The following NPHP4 variants were observed in gnomAD, a reference collection of about 807,000 sequenced individuals.
The protein encoded by NPHP4 is nephrocystin-4.
A neutral mutation model predicts 155.8 loss-of-function variants in NPHP4; 151 were observed. The ratio of observed to expected loss-of-function variants is 0.97; its 90% confidence interval spans 0.85 to 1.11. The LOEUF (loss-of-function observed/expected upper bound fraction) is 1.11. Among genes scored for constraint, NPHP4 ranks in the 50% least tolerant of loss-of-function variants. The pLI is 0.00. For missense variants in NPHP4, 1,956 were observed against 1,925.7 expected, an observed-to-expected ratio of 1.02 and a Z score of -0.29; for synonymous variants, 845 against 816.8, an observed-to-expected ratio of 1.03 and a Z score of -0.59.
intron 11 of NPHP4, among the ~76,000 whole-genome samples, chr1:5,922,411 TTATC>T (rs1349841611): frequency 6.6e-6 from 1 of 152,222 alleles, no homozygotes; most frequent in Non-Finnish European, 1.5e-5. Context: ...TTTTGTCCCA[TTATC>T]TATTTATCTC....
At chr1:5,937,323 G>C (rs1420289288) in intron 9 of NPHP4, among the ~76,000 whole-genome samples, 1 of 152,230 alleles carries the variant, frequency 6.6e-6, no homozygotes, top group Non-Finnish European at 1.5e-5. Flanking sequence ...AGAGCTGTGA[G>C]AGCACACATT....
chr1:5,873,988 C>T, intron 22 of NPHP4: 1 of 223,430 alleles, frequency 4.5e-6, no homozygotes. Flanking sequence ...CCTGCACACA[C>T]ACCTCACATA....
intron 6 of NPHP4, among the ~76,000 whole-genome samples, chr1:5,955,825 C>T (rs1649089729): frequency 6.6e-6 from 1 of 152,138 alleles, no homozygotes; most frequent in East Asian, 1.9e-4. Flanking sequence ...AGGGTAATGA[C>T]GGTTACCAGT....
chr1:5,867,973 A>G lies in NPHP4; in HGVS notation c.3316-77T>C. On this transcript the variant is annotated intron_variant, in intron 23 of 29. Transcript: ENST00000378156. The surrounding 1 kb of genome is among the most constrained non-coding windows in gnomAD (Gnocchi z 4.1). ...CTTCTTGTCCCTCCTTAGACAGCAC[A>G]CGTATCTCCACTGTTGCCAAGACCC... 6.8e-7 allele frequency: 1 copy of G among 1,474,968 alleles called. No individual in the cohort carries two copies. Among genetic ancestry groups the G allele is most frequent in the Non-Finnish European group, 9.5e-7 (1 of 1,055,612 alleles). The allele number at this position is 1,474,968 out of a possible 1,614,324, so 91.4% of individuals were successfully genotyped here.
rs1429889668 is a variant in NPHP4, at chr1:5,892,426, T to G, written c.2144-1398A>C. On this transcript the variant is annotated intron_variant, in intron 16 of 29. Transcript: ENST00000378156. This position sits in a 1 kb window ranked among gnomAD's most constrained non-coding sequence, Gnocchi z 4.5. ...GTCTCCCTGTTTTGAAACCCAGAGCTCCTTAAGGGTGGGGCCCTGCTTGTC... is the reference window on the plus strand; with the variant it reads ...GTCTCCCTGTTTTGAAACCCAGAGCGCCTTAAGGGTGGGGCCCTGCTTGTC... 2.6e-5 allele frequency among the ~76,000 whole-genome samples: 4 copies of G among 151,952 alleles called. No individual in the cohort carries two copies. The highest frequency in any genetic ancestry group is 2.9e-5 in the Non-Finnish European group (2 of 67,954).
In NPHP4 at chr1:5,874,978, C is replaced by T. The variant is rs146948888; in HGVS notation, c.2940G>A (p.Thr980=). The T allele has an allele frequency of 6.6e-4, 1,069 of 1,612,794 alleles. 2 individuals are homozygous for T. The highest frequency in any genetic ancestry group is 1.5e-3 in the Middle Eastern group (9 of 6,058). Residue 980 remains threonine (T), a synonymous_variant, in exon 21 of 30, where the codon ACG becomes ACA. Transcript: ENST00000378156. ...CGGCGACCCCCAGCGTGGCGTGGAG[C>T]GTGTGCTCCGTGGTGATGGCCAGGC... ...LLSLAITTEH[T]LHATLGVAEF...
chr1:5,894,407 G>A (rs11122108), intron 16 of NPHP4, among the ~76,000 whole-genome samples: 59,818 of 150,278 alleles, frequency 0.4, 12,498 homozygotes, highest in East Asian at 0.78. Context: ...CTGAGATCAC[G>A]CCACTGCATT....
intron 16 of NPHP4, among the ~76,000 whole-genome samples, chr1:5,901,024 G>C (rs1279976218): frequency 6.6e-6 from 1 of 151,680 alleles, no homozygotes; most frequent in Non-Finnish European, 1.5e-5. Context: ...GACAGAGTAA[G>C]ATCCTGTCTC....
Position 5,951,511 on chromosome 1 carries a change from T to C in NPHP4, c.810+1189A>G, listed in dbSNP as rs114753664. Among the ~76,000 whole-genome samples, 538 of 152,262 alleles carry C rather than the reference T, an allele frequency of 3.5e-3. 2 individuals carry two copies. The highest frequency in any genetic ancestry group is 0.012 in the African/African-American group (496 of 41,550). On this transcript the variant is annotated intron_variant, in intron 7 of 29. Coordinates refer to ENST00000378156, the MANE Select transcript of NPHP4 (RefSeq NM_015102.5). ...TGAGAGCAGCCAGGGCTGACCCCTC[T>C]TCTCCCTACTCCATCTGGTGATCAT...
At position 5,889,953 on chromosome 1, in the gene NPHP4, C is replaced by A. The variant is rs534297808; in HGVS notation, c.2304+915G>T. 6.6e-6 allele frequency among the ~76,000 whole-genome samples: 1 copy of A among 152,194 alleles called. No homozygotes were observed. The highest frequency in any genetic ancestry group is 1.5e-5 in the Non-Finnish European group (1 of 68,042). On this transcript the variant is annotated intron_variant, in intron 17 of 29. Transcript: ENST00000378156. The surrounding 1 kb of genome is among the most constrained non-coding windows in gnomAD (Gnocchi z 4.2). Reference sequence around the variant, plus strand: ...ATGGAGCCTGGATCAGTCGGTCACACGGGGAGCCAAGAGCAGACCATGCCT... The same window carrying A: ...ATGGAGCCTGGATCAGTCGGTCACAAGGGGAGCCAAGAGCAGACCATGCCT...
At chr1:5,986,801 G>C (rs1249372442) in intron 1 of NPHP4, among the ~76,000 whole-genome samples, 1 of 152,140 alleles carries the variant, frequency 6.6e-6, no homozygotes, top group Non-Finnish European at 1.5e-5. Flanking sequence ...CCTGACCTCT[G>C]TGGCTGGTTC....
chr1:5,877,123 T>TC lies in NPHP4; in HGVS notation c.2786dup (p.Asp930ArgfsTer63). 1 of 1,584,382 alleles carries TC rather than the reference T, an allele frequency of 6.3e-7. No homozygotes were observed. Among genetic ancestry groups the TC allele is most frequent in the Non-Finnish European group, 8.6e-7 (1 of 1,157,998 alleles). On this transcript the variant is annotated frameshift_variant, in exon 20 of 30. Transcript: ENST00000378156. LOFTEE classifies it high-confidence loss of function. ...CGCTCGTCCCGCGCCGGCCCAAGTC[T>TC]CCCCCGGCCTCCTGCAGGCGCACAG...
intron 6 of NPHP4, among the ~76,000 whole-genome samples, chr1:5,953,104 G>C (rs1223859442): frequency 1.1e-5 from 1 of 90,062 alleles, no homozygotes; most frequent in African/African-American, 2.8e-5. Context: ...TTTTCTGCTT[G>C]TTTGTTTGTT....
At chr1:5,938,071 C>T (rs1001716644) in intron 9 of NPHP4, among the ~76,000 whole-genome samples, 5 of 152,224 alleles carry the variant, frequency 3.3e-5, no homozygotes, top group East Asian at 1.9e-4. Flanking sequence ...CAGCCGCACA[C>T]GGCGGGTGGC....
chr1:5,936,348 G>C (rs1646538372), intron 9 of NPHP4, among the ~76,000 whole-genome samples: 1 of 152,204 alleles, frequency 6.6e-6, no homozygotes, highest in Non-Finnish European at 1.5e-5. Context: ...GGGACCGGCA[G>C]ACAGGAACTG....
chr1:5,952,994 A>AC (rs1648479876), intron 6 of NPHP4, among the ~76,000 whole-genome samples, 158 bp from the exon 7 acceptor site: 2 of 152,148 alleles, frequency 1.3e-5, no homozygotes, highest in South Asian at 4.1e-4. Flanking sequence ...CCAAGCCTCC[A>AC]CAACAATTAA....
intron 19 of NPHP4, 119 bp downstream of exon 19, chr1:5,879,995 C>T (rs564438820): frequency 1.1e-5 from 13 of 1,220,128 alleles, no homozygotes; most frequent in South Asian, 7.1e-5. Flanking sequence ...GACAGCACCA[C>T]GAATGGTGCA....
chr1:5,874,377 G>T, intron 22 of NPHP4, 94 bp downstream of exon 22: 1 of 1,236,778 alleles, frequency 8.1e-7, no homozygotes, highest in Non-Finnish European at 1.1e-6. Context: ...TGTCTGCACA[G>T]GTAAGGGAGG....
At chr1:5,875,125 A>G in intron 20 of NPHP4, 25 bp from the exon 21 acceptor site, 1 of 1,551,242 alleles carries the variant, frequency 6.4e-7, no homozygotes. Flanking sequence ...ACATGGGTGG[A>G]CAGGGTCCCA....
Sources: allele counts gnomAD v4.1 joint callset (sites outside exome capture counted in the v4.1 genomes callset), GRCh38; gene constraint gnomAD v4.1.1; non-coding constraint Gnocchi (gnomAD v3.1); transcripts MANE v1.5; gene names NCBI Gene and HGNC (gene_info 2026-07-23, HGNC 2026-07-21).